The following PDE10A variants were observed in gnomAD, a reference collection of about 807,000 sequenced individuals.
The protein encoded by PDE10A is cAMP and cAMP-inhibited cGMP 3',5'-cyclic phosphodiesterase 10A.
PDE10A carries 39 observed loss-of-function variants against 97.7 expected under a neutral mutation model. The ratio of observed to expected loss-of-function variants is 0.40; its 90% CI spans 0.31 to 0.52. The LOEUF (loss-of-function observed/expected upper bound fraction) is 0.52, where lower values mean the gene tolerates loss of function less well. Ranked by LOEUF, PDE10A falls within the 20% of genes least tolerant of loss-of-function variation. The probability of loss-of-function intolerance (pLI) is 0.56; values close to 1 mark genes in which losing one functional copy is unlikely to be tolerated. For missense variants in PDE10A, 731 were observed against 1,047.8 expected, an observed-to-expected ratio of 0.70 and a Z score of 4.17; for synonymous variants, 371 against 376.8, an observed-to-expected ratio of 0.98 and a Z score of 0.18.
chr6:165,740,600 T>C (rs527385205), intron 1 of PDE10A, among the ~76,000 whole-genome samples: 54 of 152,292 alleles, frequency 3.5e-4, no homozygotes, highest in African/African-American at 1.2e-3. Context: ...CCCAAAGTGC[T>C]GGGATTACAA....
chr6:165,737,267 G>A (rs2128452416), intron 1 of PDE10A, among the ~76,000 whole-genome samples: 1 of 152,256 alleles, frequency 6.6e-6, no homozygotes. Context: ...CAAAGATGAA[G>A]GAACACTTCC....
intron 9 of PDE10A, 27 bp from the exon 10 acceptor site, chr6:165,428,736 A>C: frequency 1.1e-6 from 1 of 929,202 alleles, no homozygotes; most frequent in Non-Finnish European, 1.7e-6. Flanking sequence ...TAAATCCTGT[A>C]AGTAATTTCA....
chr6:165,627,842 T>C (rs1229287148), intron 1 of PDE10A, among the ~76,000 whole-genome samples: 20 of 152,272 alleles, frequency 1.3e-4, no homozygotes, highest in Admixed American at 1.2e-3. Context: ...ACTCTGAACC[T>C]AGAATTCATC....
chr6:165,543,641 A>G, intron 1 of PDE10A, 73 bp from the exon 2 acceptor site: 1 of 1,224,870 alleles, frequency 8.2e-7, no homozygotes, highest in South Asian at 1.4e-5. Context: ...TAGTATCACA[A>G]CACATTATGC....
intron 10 of PDE10A, among the ~76,000 whole-genome samples, chr6:165,426,125 A>G (rs1333082876): frequency 1.3e-5 from 2 of 152,168 alleles, no homozygotes; most frequent in Non-Finnish European, 2.9e-5. Context: ...CAATACTTCA[A>G]ATTGCTCTAC....
intron 1 of PDE10A, among the ~76,000 whole-genome samples, chr6:165,959,519 C>G (rs924108843): frequency 6.6e-6 from 1 of 152,198 alleles, no homozygotes; most frequent in Non-Finnish European, 1.5e-5. Flanking sequence ...GATACATGAT[C>G]ATCTAGTTTC....
chr6:165,844,339 A>G (rs1173508222), intron 1 of PDE10A, among the ~76,000 whole-genome samples: 1 of 152,222 alleles, frequency 6.6e-6, no homozygotes, highest in Non-Finnish European at 1.5e-5. Context: ...GTCCAGATTC[A>G]AGTTCTGTAA....
At chr6:165,919,821 A>G (rs1000511204) in intron 1 of PDE10A, among the ~76,000 whole-genome samples, 2 of 127,980 alleles carry the variant, frequency 1.6e-5, no homozygotes, top group Non-Finnish European at 1.7e-5. Context: ...TATTGTGCAC[A>G]TGAAAGCAAA....
chr6:165,711,120 C>T lies in PDE10A; in HGVS notation c.-614-167552G>A, dbSNP rs912916933. Among the ~76,000 whole-genome samples the T allele has an allele frequency of 7.2e-5, 11 of 152,226 alleles. No homozygotes were observed. Among genetic ancestry groups the T allele is most frequent in the Non-Finnish European group, 1.2e-4 (8 of 68,034 alleles). Reference sequence around the variant, plus strand: ...CAAAGCCAACAAAGCGGGTCCTTTGCTCCCACCTTTAAGCATGAAGGGGAG... The same window carrying T: ...CAAAGCCAACAAAGCGGGTCCTTTGTTCCCACCTTTAAGCATGAAGGGGAG... On this transcript the variant is annotated intron_variant, in intron 1 of 19. Coordinates refer to the PDE10A transcript ENST00000366882. The surrounding 1 kb of genome is among the most constrained non-coding windows in gnomAD (Gnocchi z 4.5).
chr6:165,452,424 T>C (rs1791364012), intron 3 of PDE10A, among the ~76,000 whole-genome samples: 1 of 152,190 alleles, frequency 6.6e-6, no homozygotes, highest in African/African-American at 2.4e-5. Context: ...TGTTGAGAGG[T>C]GGGACCTTTA....
intron 1 of PDE10A, among the ~76,000 whole-genome samples, chr6:165,768,291 G>C (rs1777917874): frequency 6.6e-6 from 1 of 152,016 alleles, no homozygotes; most frequent in African/African-American, 2.4e-5. Context: ...ATGAAGTCCA[G>C]TTTGTCTATT....
intron 3 of PDE10A, among the ~76,000 whole-genome samples, chr6:165,471,466 A>T (rs1445751324): frequency 6.6e-6 from 1 of 152,108 alleles, no homozygotes; most frequent in African/African-American, 2.4e-5. Flanking sequence ...TCTCATATAT[A>T]CAACTTACTA....
chr6:165,661,796 G>T lies in PDE10A; in HGVS notation c.865+151C>A. The T allele has an allele frequency of 2.1e-6, 1 of 484,784 alleles. No individual in the cohort carries two copies. Among genetic ancestry groups the T allele is most frequent in the Non-Finnish European group, 3.7e-6 (1 of 267,820 alleles). The allele number at this position is 484,784 out of a possible 1,614,324, so 30.0% of individuals were successfully genotyped here. ...CGCTCCGCCAGGGGCACCGGCTCCTGCCCCTCCAGAGAAGCCCCCTGGGCG... is the reference window on the plus strand; with the variant it reads ...CGCTCCGCCAGGGGCACCGGCTCCTTCCCCTCCAGAGAAGCCCCCTGGGCG... On this transcript the variant is annotated intron_variant, in intron 1 of 21. Transcript: ENST00000539869. This position sits in a 1 kb window ranked among gnomAD's most constrained non-coding sequence, Gnocchi z 4.8.
intron 1 of PDE10A, among the ~76,000 whole-genome samples, chr6:165,904,076 C>A (rs1316104038): frequency 1.3e-5 from 2 of 152,008 alleles, no homozygotes; most frequent in Non-Finnish European, 2.9e-5. Context: ...AGGGCAGTAA[C>A]TGGAGAGAAT....
chr6:165,336,613 G>A (rs1381046094), intron 20 of PDE10A, among the ~76,000 whole-genome samples: 3 of 94,078 alleles, frequency 3.2e-5, no homozygotes, highest in South Asian at 3.5e-4. Flanking sequence ...GCTGGGCGCG[G>A]TGGCAGGCGC....
chr6:165,893,795 A>G (rs1213532464), intron 1 of PDE10A, among the ~76,000 whole-genome samples: 1 of 150,834 alleles, frequency 6.6e-6, no homozygotes, highest in African/African-American at 2.4e-5. Flanking sequence ...GAACTTAAGT[A>G]GGGTTTGAAT....
chr6:165,977,100 T>A (rs143618817), intron 1 of PDE10A, among the ~76,000 whole-genome samples: 30 of 152,350 alleles, frequency 2.0e-4, no homozygotes, highest in African/African-American at 7.2e-4. Context: ...GAGGGTGACA[T>A]AAAGTTACAC....
chr6:165,889,574 C>T (rs1781718990), intron 1 of PDE10A, among the ~76,000 whole-genome samples: 1 of 152,178 alleles, frequency 6.6e-6, no homozygotes, highest in South Asian at 2.1e-4. Context: ...GAGCTGCTAG[C>T]TCCATCCAGG....
intron 1 of PDE10A, among the ~76,000 whole-genome samples, chr6:165,757,566 A>G (rs539943595): frequency 6.6e-6 from 1 of 152,098 alleles, no homozygotes; most frequent in Non-Finnish European, 1.5e-5. Context: ...GTACGGCATA[A>G]GGTATTGATC....
Sources: allele counts gnomAD v4.1 joint callset (sites outside exome capture counted in the v4.1 genomes callset), GRCh38; gene constraint gnomAD v4.1.1; non-coding constraint Gnocchi (gnomAD v3.1); transcripts MANE v1.5; gene names NCBI Gene and HGNC (gene_info 2026-07-23, HGNC 2026-07-21).